The following MRPL34 variants were observed in gnomAD, a reference collection of about 807,000 sequenced individuals.
The protein encoded by MRPL34 is mitochondrial ribosomal protein L34, also known as large ribosomal subunit protein bL34m.
MRPL34 carries 8 observed loss-of-function variants against 6.7 expected under a neutral mutation model. That is an observed-to-expected ratio of 1.20 (90% CI 0.70 to 2.16). The LOEUF is 2.16. MRPL34 is among the 30% of genes most tolerant of loss of function. MRPL34 has a pLI of 0.00. For synonymous variants in MRPL34, 59 were observed against 55.1 expected, an observed-to-expected ratio of 1.07 and a Z score of -0.31; for missense variants, 146 against 125.5, an observed-to-expected ratio of 1.16 and a Z score of -0.78.
upstream of MRPL34, chr19:17,300,832 C>T (rs2074113972): frequency 1.3e-6 from 2 of 1,563,468 alleles, no homozygotes; most frequent in Non-Finnish European, 1.7e-6. Flanking sequence ...CTCACCCCCA[C>T]CCCACATGCC....
upstream of MRPL34, among the ~76,000 whole-genome samples, chr19:17,300,666 C>T (rs560901460): frequency 1.3e-5 from 2 of 152,236 alleles, no homozygotes; most frequent in African/African-American, 2.4e-5. Context: ...TTGGTAGAGA[C>T]GGGGTTTCAC....
chr19:17,303,239 C>T (rs1210261229), upstream of MRPL34: 1 of 152,262 alleles, frequency 6.6e-6, no homozygotes, highest in East Asian at 1.9e-4. Context: ...GTTCCCCGCT[C>T]ACCTCATCGA....
upstream of MRPL34, among the ~76,000 whole-genome samples, chr19:17,299,757 A>AT (rs145804251): frequency 0.063 from 9,614 of 151,898 alleles, 421 homozygotes; most frequent in Middle Eastern, 0.17. Flanking sequence ...GAAAAATGGG[A>AT]TTTTTTTCAA....
At chr19:17,297,277 T>A (rs547964414) in intron 1 of MRPL34, among the ~76,000 whole-genome samples, 3 of 152,284 alleles carry the variant, frequency 2.0e-5, no homozygotes, top group African/African-American at 7.2e-5. Flanking sequence ...GGAACTATTG[T>A]AGGTGGGTGT....
At chr19:17,293,314 C>T (rs1306859862) in intron 1 of MRPL34, among the ~76,000 whole-genome samples, 1 of 152,076 alleles carries the variant, frequency 6.6e-6, no homozygotes, top group Non-Finnish European at 1.5e-5. Context: ...TCAGGCTGAT[C>T]TCCAACTCCT....
upstream of MRPL34, among the ~76,000 whole-genome samples, chr19:17,304,465 G>A (rs1358407393): frequency 1.3e-5 from 2 of 152,228 alleles, no homozygotes; most frequent in East Asian, 1.9e-4. Flanking sequence ...TAGTGGTGAT[G>A]TTTTGCTAAA....
chr19:17,304,205 T>C (rs2074135487), upstream of MRPL34, among the ~76,000 whole-genome samples: 1 of 152,202 alleles, frequency 6.6e-6, no homozygotes, highest in East Asian at 1.9e-4. Context: ...TGAGAAGGGC[T>C]GATAGCAAGA....
At chr19:17,294,975 A>C in intron 1 of MRPL34, 1 of 1,136,544 alleles carries the variant, frequency 8.8e-7, no homozygotes, top group Non-Finnish European at 1.2e-6. Context: ...CCAGGCTGGA[A>C]TGCAGTGGCT....
chr19:17,292,806 A>G lies in MRPL34; in HGVS notation c.166A>G (p.Ser56Gly), dbSNP rs1439784952. ...CACCATGTGGCTGCCCTCGTCGATG[A>G]GCTTCAGGAATGCCAGGAGCAGGAT... is the stretch of plus-strand genomic sequence containing the variant. The change falls in exon 1 of 3, where the codon AGC (serine) becomes GGC (glycine). Residue 56 changes from serine (S) to glycine (G), a missense_variant. Coordinates refer to the MRPL34 transcript ENST00000595444. The G allele has an allele frequency of 1.9e-6, 3 of 1,612,662 alleles. No homozygotes were observed. The highest frequency in any genetic ancestry group is 2.5e-6 in the Non-Finnish European group (3 of 1,179,320).
At chr19:17,294,609 CCAACTCGAG>C in intron 1 of MRPL34, 2 of 1,606,712 alleles carry the variant, frequency 1.2e-6, no homozygotes, top group Non-Finnish European at 1.7e-6. Context: ...CCCCTCCCAT[CCAACTCGAG>C]CAGATGCCTG....
chr19:17,305,731 T>A, upstream of MRPL34: 1 of 748,912 alleles, frequency 1.3e-6, no homozygotes, highest in South Asian at 1.5e-5. Flanking sequence ...CTGGCGCGCC[T>A]CTGTTGCGCA....
At chr19:17,303,867 G>A (rs1449827521), upstream of MRPL34, among the ~76,000 whole-genome samples, 1 of 152,214 alleles carries the variant, frequency 6.6e-6, no homozygotes, top group Non-Finnish European at 1.5e-5. Context: ...AAGGGCACAA[G>A]AGCATAAATC....
upstream of MRPL34, among the ~76,000 whole-genome samples, chr19:17,301,794 G>A (rs2074120956): frequency 6.6e-6 from 1 of 151,838 alleles, no homozygotes; most frequent in Non-Finnish European, 1.5e-5. Flanking sequence ...GTGTGTGTGT[G>A]TGTGTGTGTG....
At chr19:17,301,724 C>T, upstream of MRPL34, 1 of 1,355,994 alleles carries the variant, frequency 7.4e-7, no homozygotes, top group Non-Finnish European at 9.6e-7. Flanking sequence ...GTTTTAGACT[C>T]CAGTTTGGGG....
chr19:17,301,492 C>T (rs1227527679), upstream of MRPL34: 1 of 1,611,696 alleles, frequency 6.2e-7, no homozygotes. Context: ...CCGCAGCACG[C>T]GGCCGGGCTT....
chr19:17,294,334 A>G, intron 1 of MRPL34: 1 of 1,612,182 alleles, frequency 6.2e-7, no homozygotes, highest in Non-Finnish European at 8.5e-7. Context: ...CTTATCGTGC[A>G]TGCCGTGGAC....
At chr19:17,295,531 C>G (rs1388935569) in intron 1 of MRPL34, among the ~76,000 whole-genome samples, 1 of 152,086 alleles carries the variant, frequency 6.6e-6, no homozygotes, top group Non-Finnish European at 1.5e-5. Flanking sequence ...CTCAGCCTCC[C>G]GAGTAGCTGG....
intron 1 of MRPL34, among the ~76,000 whole-genome samples, chr19:17,293,894 A>T (rs2074081764): frequency 6.6e-6 from 1 of 152,064 alleles, no homozygotes; most frequent in South Asian, 2.1e-4. Flanking sequence ...AAGGATCCCC[A>T]GACCCTTTCT....
intron 1 of MRPL34, among the ~76,000 whole-genome samples, chr19:17,295,272 A>AT (rs1456366866): frequency 1.3e-5 from 2 of 151,050 alleles, no homozygotes; most frequent in Admixed American, 1.3e-4. Context: ...CGCCCGGCTA[A>AT]TTTTTTGTAT....
Sources: allele counts gnomAD v4.1 joint callset (sites outside exome capture counted in the v4.1 genomes callset), GRCh38; gene constraint gnomAD v4.1.1; transcripts MANE v1.5; gene names NCBI Gene and HGNC (gene_info 2026-07-23, HGNC 2026-07-21).